The following RBMS3 variants were observed in gnomAD, a reference collection of about 807,000 sequenced individuals.
RBMS3 encodes the protein RNA binding motif single stranded interacting protein 3, also known as RNA-binding motif, single-stranded-interacting protein 3.
A neutral mutation model predicts 66.8 loss-of-function variants in RBMS3; 27 were observed. The observed-to-expected ratio is 0.40, with a 90% CI of 0.30 to 0.56. The LOEUF is 0.56. Ranked by LOEUF, RBMS3 falls within the 20% of genes least tolerant of loss-of-function variation. RBMS3 has a pLI of 0.40. For missense variants in RBMS3, 513 were observed against 549.5 expected, an observed-to-expected ratio of 0.93 and a Z score of 0.66; for synonymous variants, 188 against 183.0, an observed-to-expected ratio of 1.03 and a Z score of -0.22.
At chr3:29,540,055 G>T (rs1018308943) in intron 3 of RBMS3, among the ~76,000 whole-genome samples, 1 of 152,062 alleles carries the variant, frequency 6.6e-6, no homozygotes, top group Admixed American at 6.5e-5. Flanking sequence ...AAAAATGAAA[G>T]ATATTTTAAA....
chr3:29,364,201 T>G (rs1302964576), intron 1 of RBMS3, among the ~76,000 whole-genome samples: 1 of 152,150 alleles, frequency 6.6e-6, no homozygotes, highest in Non-Finnish European at 1.5e-5. Flanking sequence ...TCGAAAACAA[T>G]TCTGCAAAAC....
chr3:29,978,164 A>T (rs1270315691), intron 12 of RBMS3, among the ~76,000 whole-genome samples: 3 of 152,170 alleles, frequency 2.0e-5, no homozygotes, highest in Non-Finnish European at 4.4e-5. Flanking sequence ...TTGCAGAGAA[A>T]GTTCAGAGTT....
intron 3 of RBMS3, among the ~76,000 whole-genome samples, chr3:29,561,913 A>ATGGAG (rs1311646336): frequency 6.6e-6 from 1 of 151,928 alleles, no homozygotes. Flanking sequence ...CAACTTTTTA[A>ATGGAG]TGGAGTCATT....
chr3:29,539,838 T>C (rs1454489214), intron 3 of RBMS3, among the ~76,000 whole-genome samples: 1 of 152,254 alleles, frequency 6.6e-6, no homozygotes, highest in African/African-American at 2.4e-5. Flanking sequence ...CTAATAATTA[T>C]AGCTCTCTTA....
intron 3 of RBMS3, among the ~76,000 whole-genome samples, chr3:29,520,040 A>G (rs756217882): frequency 5.3e-4 from 81 of 152,298 alleles, no homozygotes; most frequent in Admixed American, 1.0e-3. Context: ...CTGCAATTCA[A>G]ATGTAACTGG....
chr3:29,784,217 C>G (rs1442868398), intron 6 of RBMS3, among the ~76,000 whole-genome samples: 1 of 152,124 alleles, frequency 6.6e-6, no homozygotes, highest in African/African-American at 2.4e-5. Flanking sequence ...ATTTTCAGAA[C>G]ATTCTACCGA....
intron 1 of RBMS3, among the ~76,000 whole-genome samples, chr3:29,299,254 A>G (rs1421205573): frequency 6.6e-6 from 1 of 151,902 alleles, no homozygotes; most frequent in Admixed American, 6.6e-5. Context: ...GAGAAGGGAC[A>G]ATATAATGAC....
chr3:29,820,837 A>T (rs2058060060), intron 6 of RBMS3, among the ~76,000 whole-genome samples: 1 of 152,174 alleles, frequency 6.6e-6, no homozygotes, highest in Admixed American at 6.5e-5. Flanking sequence ...GCTACTCCAG[A>T]GACCAGAGAC....
intron 4 of RBMS3, among the ~76,000 whole-genome samples, chr3:29,603,144 C>T (rs973158250): frequency 6.6e-6 from 1 of 151,988 alleles, no homozygotes; most frequent in African/African-American, 2.4e-5. Flanking sequence ...GAACCAACCA[C>T]AGTGCCTATC....
At chr3:29,933,768 A>G (rs950080411) in intron 10 of RBMS3, 2 of 152,088 alleles carry the variant, frequency 1.3e-5, no homozygotes, top group African/African-American at 4.8e-5. Context: ...TACAATTCCA[A>G]TTAATGATAA....
intron 4 of RBMS3, among the ~76,000 whole-genome samples, chr3:29,699,408 A>C (rs377182111): frequency 1.5e-3 from 225 of 152,224 alleles, no homozygotes; most frequent in African/African-American, 5.1e-3. Flanking sequence ...TGGCCTCCCT[A>C]AGTGCTGGTA....
At chr3:29,701,245 C>A (rs1336712000) in intron 4 of RBMS3, among the ~76,000 whole-genome samples, 1 of 151,742 alleles carries the variant, frequency 6.6e-6, no homozygotes, top group African/African-American at 2.4e-5. Context: ...CCATTGCACT[C>A]CAGCCTGGGC....
chr3:29,571,580 C>T (rs1428922113), intron 3 of RBMS3, among the ~76,000 whole-genome samples: 1 of 152,086 alleles, frequency 6.6e-6, no homozygotes, highest in East Asian at 1.9e-4. Context: ...AATGAGTTCA[C>T]TGTAGGTACG....
chr3:29,860,168 T>C (rs1408938993), intron 6 of RBMS3, among the ~76,000 whole-genome samples: 1 of 152,198 alleles, frequency 6.6e-6, no homozygotes, highest in Non-Finnish European at 1.5e-5. Context: ...TATAAACTAC[T>C]TCTGTCTGCA....
intron 4 of RBMS3, among the ~76,000 whole-genome samples, chr3:29,587,702 T>A (rs985877953): frequency 2.6e-5 from 4 of 151,968 alleles, no homozygotes; most frequent in East Asian, 3.9e-4. Flanking sequence ...AATGATGGGG[T>A]TGTCTGATCT....
intron 4 of RBMS3, among the ~76,000 whole-genome samples, chr3:29,644,756 T>C (rs966761517): frequency 1.3e-5 from 2 of 152,180 alleles, no homozygotes; most frequent in Non-Finnish European, 2.9e-5. Flanking sequence ...GAAAGTAGGA[T>C]TATAGCCGAA....
intron 1 of RBMS3, among the ~76,000 whole-genome samples, chr3:29,415,773 A>G (rs2040453135): frequency 7.1e-6 from 1 of 141,484 alleles, no homozygotes; most frequent in African/African-American, 2.6e-5. Context: ...CATGACAATG[A>G]AATTTTTTTT....
intron 2 of RBMS3, among the ~76,000 whole-genome samples, chr3:29,484,467 G>A (rs1035550343): frequency 3.3e-5 from 5 of 152,018 alleles, no homozygotes; most frequent in African/African-American, 7.3e-5. Flanking sequence ...TATTGGATTC[G>A]GGCCTATCGT....
chr3:29,780,380 A>G (rs2056588364), intron 6 of RBMS3, among the ~76,000 whole-genome samples: 2 of 151,762 alleles, frequency 1.3e-5, no homozygotes, highest in Non-Finnish European at 2.9e-5. Flanking sequence ...TATTGAGAAT[A>G]TTAAACATTT....
Sources: allele counts gnomAD v4.1 joint callset (sites outside exome capture counted in the v4.1 genomes callset), GRCh38; gene constraint gnomAD v4.1.1; transcripts MANE v1.5; gene names NCBI Gene and HGNC (gene_info 2026-07-23, HGNC 2026-07-21).